Variants in NRXN1 observed in about 807,000 individuals in gnomAD.
The protein encoded by NRXN1 is neurexin 1, also known as neurexin-1.
In NRXN1, 39 loss-of-function variants were observed where a neutral mutation model predicts 150.9. The observed-to-expected ratio is 0.26, with a 90% CI of 0.20 to 0.34. The LOEUF is 0.34. Ranked by LOEUF, NRXN1 falls within the 10% of genes least tolerant of loss-of-function variation. The pLI is 1.00. For missense variants in NRXN1, 1,815 were observed against 1,949.9 expected (o/e 0.93, Z 1.30); for synonymous variants, 924 against 757.0 (o/e 1.22, Z -3.62).
At chr2:49,966,481 A>T (rs1408686966) in intron 21 of NRXN1, 1 of 151,878 alleles carries the variant, frequency 6.6e-6, no homozygotes, top group Non-Finnish European at 1.5e-5. Flanking sequence ...AATGAAAAGC[A>T]GCCTGTTTAT....
intron 8 of NRXN1, among the ~76,000 whole-genome samples, chr2:50,591,901 G>A (rs1045795111): frequency 6.6e-6 from 1 of 152,160 alleles, no homozygotes; most frequent in Non-Finnish European, 1.5e-5. Flanking sequence ...ACATGTCTGA[G>A]GTTTCTAAAA....
At chr2:50,431,265 T>C (rs985490552) in intron 17 of NRXN1, among the ~76,000 whole-genome samples, 3 of 152,348 alleles carry the variant, frequency 2.0e-5, no homozygotes, top group Admixed American at 6.5e-5. Flanking sequence ...ATAATTACCA[T>C]GGCTTACCTA....
At chr2:50,599,178 G>A (rs529969916) in intron 8 of NRXN1, among the ~76,000 whole-genome samples, 1 of 152,204 alleles carries the variant, frequency 6.6e-6, no homozygotes, top group African/African-American at 2.4e-5. Context: ...AGGAATCAGA[G>A]GGACTGAGAA....
At chr2:50,452,698 T>G (rs2104545061) in intron 17 of NRXN1, among the ~76,000 whole-genome samples, 1 of 152,312 alleles carries the variant, frequency 6.6e-6, no homozygotes, top group East Asian at 1.9e-4. Flanking sequence ...GAATGTCATG[T>G]GAAGAATATG....
Position 49,920,700 on chromosome 2 carries a change from G to A in NRXN1, c.*1244C>T, listed in dbSNP as rs1668038472. 4.2e-4 allele frequency: 1 copy of A among 2,388 alleles called. No homozygotes were observed. The highest frequency in any genetic ancestry group is 2.5e-3 in the Admixed American group (1 of 408). The allele number at this position is 2,388 out of a possible 1,614,324, so 0.1% of individuals were successfully genotyped here. A position where few individuals can be genotyped will look rare whatever the true frequency, so the allele number is the denominator to read the frequency against. On this transcript the variant is annotated 3_prime_UTR_variant, in exon 23 of 23. Transcript: ENST00000401669. ...ATCTGATGGATTGCTGTGGATTCGT[G>A]TGTGTGTGTGTGTGTGTGTGTGTGT... is the stretch of plus-strand genomic sequence containing the variant.
At chr2:50,813,342 A>C (rs895388027) in intron 5 of NRXN1, among the ~76,000 whole-genome samples, 3 of 152,098 alleles carry the variant, frequency 2.0e-5, no homozygotes, top group African/African-American at 7.2e-5. Flanking sequence ...AAGTAAATTA[A>C]TTCTTTATCT....
chr2:50,839,182 AT>A (rs1454498523), intron 5 of NRXN1, among the ~76,000 whole-genome samples: 2 of 152,032 alleles, frequency 1.3e-5, no homozygotes, highest in Non-Finnish European at 2.9e-5. Context: ...TGCCCTTTTG[AT>A]TTTTTTCTAA....
chr2:50,904,907 A>G (rs1369303054), intron 5 of NRXN1, among the ~76,000 whole-genome samples: 1 of 152,122 alleles, frequency 6.6e-6, no homozygotes, highest in East Asian at 1.9e-4. Context: ...GGGTACTTAT[A>G]TCCAGGCTCT....
intron 5 of NRXN1, among the ~76,000 whole-genome samples, chr2:50,791,659 A>G (rs1706068012): frequency 6.6e-6 from 1 of 152,184 alleles, no homozygotes; most frequent in African/African-American, 2.4e-5. Context: ...GTTTCCGTGA[A>G]AAAATTCCTC....
chr2:50,366,338 A>T (rs2079582365), intron 17 of NRXN1, among the ~76,000 whole-genome samples: 1 of 151,998 alleles, frequency 6.6e-6, no homozygotes, highest in Non-Finnish European at 1.5e-5. Flanking sequence ...TAGAAACACC[A>T]AGATTCATCT....
chr2:50,454,343 A>G (rs1470784101), intron 17 of NRXN1, among the ~76,000 whole-genome samples: 1 of 152,084 alleles, frequency 6.6e-6, no homozygotes. Flanking sequence ...ATAAATAAAT[A>G]AATAAAAATA....
At chr2:50,952,800 T>C (rs1444837597) in intron 2 of NRXN1, among the ~76,000 whole-genome samples, 2 of 152,146 alleles carry the variant, frequency 1.3e-5, no homozygotes, top group Non-Finnish European at 1.5e-5. Flanking sequence ...CCTTTCGTCA[T>C]CTATGCCAGA....
At chr2:49,974,775 T>TA (rs1159616283) in intron 21 of NRXN1, among the ~76,000 whole-genome samples, 1 of 149,590 alleles carries the variant, frequency 6.7e-6, no homozygotes, top group Non-Finnish European at 1.5e-5. Context: ...TTTGGCCAAT[T>TA]ACAACTGTTG....
intron 17 of NRXN1, among the ~76,000 whole-genome samples, chr2:50,300,061 A>C (rs2074009756): frequency 6.6e-6 from 1 of 152,222 alleles, no homozygotes; most frequent in Non-Finnish European, 1.5e-5. Flanking sequence ...GAAGGCAAGA[A>C]ACAGTGTTAA....
intron 5 of NRXN1, among the ~76,000 whole-genome samples, chr2:50,871,072 A>T (rs1290401086): frequency 6.6e-6 from 1 of 151,920 alleles, no homozygotes; most frequent in Non-Finnish European, 1.5e-5. Flanking sequence ...TATCAGTAGC[A>T]TATAGGATAA....
At chr2:50,328,608 C>T (rs1038133975) in intron 17 of NRXN1, among the ~76,000 whole-genome samples, 1 of 152,012 alleles carries the variant, frequency 6.6e-6, no homozygotes, top group South Asian at 2.1e-4. Flanking sequence ...TAGTGGTGGG[C>T]ACCTGTAATC....
At chr2:50,284,521 T>C (rs952714326) in intron 17 of NRXN1, among the ~76,000 whole-genome samples, 2 of 152,154 alleles carry the variant, frequency 1.3e-5, no homozygotes, top group African/African-American at 4.8e-5. Context: ...CACAACGACA[T>C]ATAATCTTCA....
chr2:51,026,551 T>C, intron 2 of NRXN1: 1 of 908,556 alleles, frequency 1.1e-6, no homozygotes, highest in Non-Finnish European at 1.7e-6. Context: ...CCACAGAAAT[T>C]ACAACTTGGC....
chr2:50,110,634 A>G (rs114621915), intron 18 of NRXN1, among the ~76,000 whole-genome samples: 15 of 152,234 alleles, frequency 9.9e-5, no homozygotes, highest in African/African-American at 2.9e-4. Context: ...TGTGCGTGCA[A>G]ATTAATAAGT....
Sources: gnomAD v4.1 joint callset for allele counts (sites outside exome capture counted in the v4.1 genomes callset) on GRCh38, gnomAD v4.1.1 for gene constraint, MANE v1.5 for transcripts, NCBI Gene and HGNC (gene_info 2026-07-23, HGNC 2026-07-21) for gene names.